INTS3: variants seen among roughly 807,000 people sequenced by gnomAD.
INTS3 encodes the protein SOSS complex subunit A.
In INTS3, 34 loss-of-function variants were observed where a neutral mutation model predicts 146.3. The ratio of observed to expected loss-of-function variants is 0.23; its 90% confidence interval spans 0.18 to 0.31. The LOEUF is 0.31. Among genes scored for constraint, INTS3 ranks in the 10% least tolerant of loss-of-function variants. INTS3 has a pLI of 1.00. For synonymous variants in INTS3, 475 were observed against 494.9 expected, an observed-to-expected ratio of 0.96 and a Z score of 0.53; for missense variants, 757 against 1,304.2, an observed-to-expected ratio of 0.58 and a Z score of 6.46.
At chr1:153,753,544 A>G (rs796650379) in intron 8 of INTS3, among the ~76,000 whole-genome samples, 9 of 151,348 alleles carry the variant, frequency 5.9e-5, no homozygotes, top group African/African-American at 2.2e-4. Context: ...CGACAGAGTG[A>G]GACTCTGTCC....
intron 17 of INTS3, 65 bp from the exon 18 acceptor site, chr1:153,764,053 G>C (rs945666967): frequency 7.2e-5 from 101 of 1,397,786 alleles, no homozygotes; most frequent in Non-Finnish European, 9.8e-5. Flanking sequence ...TCCAAGACTG[G>C]GATCGTGGGG....
chr1:153,761,046 G>C, intron 13 of INTS3, 128 bp downstream of exon 13: 1 of 1,491,150 alleles, frequency 6.7e-7, no homozygotes, highest in Admixed American at 2.3e-5. Context: ...CTCTACCTCA[G>C]ACTGCTGGGC....
At chr1:153,743,803 G>T (rs1671626349) in intron 3 of INTS3, among the ~76,000 whole-genome samples, 1 of 152,138 alleles carries the variant, frequency 6.6e-6, no homozygotes, top group Admixed American at 6.6e-5. Flanking sequence ...ATGGGAAAGG[G>T]TCTAATGTCA....
At position 153,751,122 on chromosome 1, in the gene INTS3, C is replaced by G. The variant is rs752621973; in HGVS notation, c.612C>G (p.Leu204=). The G allele has an allele frequency of 5.6e-6, 9 of 1,614,088 alleles. No homozygotes were observed. The Admixed American group carries it at 1.3e-4, about 24-fold the overall frequency. The change falls in exon 7 of 30, where the codon CTC becomes CTG. Residue 204 remains leucine, a synonymous_variant. Coordinates refer to ENST00000318967, the MANE Select transcript of INTS3 (RefSeq NM_023015.5). ...QREWVLKSSI[L]IAMAVYTYLR... ...AGTGGGTCCTGAAGAGCAGCATCCTCATTGCCATGGCTGTTTACACGTACC... is the reference window on the plus strand; with the variant it reads ...AGTGGGTCCTGAAGAGCAGCATCCTGATTGCCATGGCTGTTTACACGTACC...
intron 7 of INTS3, 158 bp from the exon 8 acceptor site, chr1:153,752,121 C>A: frequency 1.3e-6 from 1 of 773,760 alleles, no homozygotes; most frequent in Non-Finnish European, 2.2e-6. Context: ...CCCTGAACAG[C>A]TAGGAGCCAA....
intron 21 of INTS3, among the ~76,000 whole-genome samples, 155 bp from the exon 22 acceptor site, chr1:153,768,738 A>G (rs936906809): frequency 9.2e-5 from 14 of 152,148 alleles, no homozygotes; most frequent in African/African-American, 3.4e-4. Flanking sequence ...GTCTTCCAGC[A>G]TCATAGCTGT....
chr1:153,747,175 T>C (rs1671781980), intron 4 of INTS3, 104 bp from the exon 5 acceptor site: 7 of 1,253,422 alleles, frequency 5.6e-6, no homozygotes, highest in Non-Finnish European at 8.2e-6. Context: ...CCCCTATCAT[T>C]GTGTGTCTAA....
In INTS3 at chr1:153,770,790, G is replaced by A. The variant is rs1370283391; in HGVS notation, c.2552+57G>A. On this transcript the variant is annotated intron_variant, in intron 25 of 29. Transcript: ENST00000318967. ...CAATTTTAACATCCCAAGAGCTGCT[G>A]TGGTCTAAAGGGCTTCTGTCCTCCT... 4 of 1,367,216 alleles carry A rather than the reference G, an allele frequency of 2.9e-6. No individual in the cohort carries two copies. In the East Asian group the frequency reaches 6.9e-5, roughly 24 times the overall value. The allele number at this position is 1,367,216 out of a possible 1,614,324, so 84.7% of individuals were successfully genotyped here.
In INTS3 at chr1:153,728,305, C is replaced by T. The variant is rs969464824; in HGVS notation, c.-330C>T. ...AGGGGTTTCCCTCCTTTCTTAGGGT[C>T]AGACGCTCTTAGGGTCCACTTCTTC... is the stretch of plus-strand genomic sequence containing the variant. On this transcript the variant is annotated 5_prime_UTR_variant, in exon 1 of 30. Coordinates refer to ENST00000318967, the MANE Select transcript of INTS3 (RefSeq NM_023015.5). The T allele has an allele frequency of 2.0e-5, 8 of 393,334 alleles. No individual in the cohort carries two copies. Among genetic ancestry groups the T allele is most frequent in the Non-Finnish European group, 2.7e-5 (6 of 223,132 alleles). The allele number at this position is 393,334 out of a possible 1,614,324, so 24.4% of individuals were successfully genotyped here.
intron 1 of INTS3, among the ~76,000 whole-genome samples, chr1:153,739,095 AC>A (rs1671417134): frequency 6.7e-6 from 1 of 148,702 alleles, no homozygotes; most frequent in Non-Finnish European, 1.5e-5. Flanking sequence ...ACGGAGTCTC[AC>A]TCTGTCGCCC....
chr1:153,767,923 AT>A, intron 21 of INTS3, 96 bp downstream of exon 21: 1 of 1,298,222 alleles, frequency 7.7e-7, no homozygotes, highest in East Asian at 2.8e-5. Context: ...TCTTTTGTTC[AT>A]CCCCACTAAC....
At chr1:153,759,649 T>C (rs2101815306) in intron 11 of INTS3, 36 bp downstream of exon 11, 3 of 1,355,446 alleles carry the variant, frequency 2.2e-6, no homozygotes, top group Non-Finnish European at 2.1e-6. Context: ...CACTTCCCCA[T>C]CCCCCTAAGC....
At chr1:153,759,479 G>T in intron 10 of INTS3, 47 bp from the exon 11 acceptor site, 2 of 1,224,250 alleles carry the variant, frequency 1.6e-6, no homozygotes, top group Non-Finnish European at 2.4e-6. Flanking sequence ...AAATGGAGGG[G>T]GGTGATTGAT....
Position 153,772,226 on chromosome 1 carries a change from T to C in INTS3, c.2721-114T>C. On this transcript the variant is annotated intron_variant, in intron 26 of 29. Transcript: ENST00000318967. The surrounding 1 kb of genome is among the most constrained non-coding windows in gnomAD (Gnocchi z 4.6). ...AACCCCAGCCCTCCCAGGCTGCCTA[T>C]CCTGTTCCCCATGTAGGCTGCCTCT... 8.0e-7 allele frequency: 1 copy of C among 1,246,570 alleles called. No homozygotes were observed. Among genetic ancestry groups the C allele is most frequent in the Non-Finnish European group, 1.1e-6 (1 of 874,912 alleles). The allele number at this position is 1,246,570 out of a possible 1,614,324, so 77.2% of individuals were successfully genotyped here.
At position 153,746,945 on chromosome 1, in the gene INTS3, T is replaced by C. The variant is rs1283305206; in HGVS notation, c.319-12T>C. ...CAGCTTGCTGGCTGATCACAAACTT[T>C]ACTTCTCACAGTGTTACCGGGACTT... On this transcript the variant is annotated splice_polypyrimidine_tract_variant and intron_variant, in intron 3 of 29. Coordinates refer to ENST00000318967, the MANE Select transcript of INTS3 (RefSeq NM_023015.5). The C allele has an allele frequency of 1.9e-6, 3 of 1,588,786 alleles. No individual in the cohort carries two copies.
intron 9 of INTS3, among the ~76,000 whole-genome samples, chr1:153,756,536 CCAAGTGCGGTGGCT>C (rs1672168637): frequency 6.6e-6 from 1 of 151,424 alleles, no homozygotes; most frequent in Non-Finnish European, 1.5e-5. Flanking sequence ...ATAATTGGGG[CCAAGTGCGGTGGCT>C]CACGCCTGTA....
In INTS3 at chr1:153,770,204, G is replaced by A. The variant is rs1199960622; in HGVS notation, c.2396G>A (p.Ser799Asn). 6.3e-7 allele frequency: 1 copy of A among 1,597,480 alleles called. No individual in the cohort carries two copies. Reference sequence around the variant, plus strand: ...TTTCTTTTGTCTCTTCCAGTTCAGAGCCTAGACTGGGAGACCTTTGAGCAG... The same window carrying A: ...TTTCTTTTGTCTCTTCCAGTTCAGAACCTAGACTGGGAGACCTTTGAGCAG... Reference protein sequence around the residue: ...KDSVLNILIQSLDWETFEQYC... With the variant: ...KDSVLNILIQNLDWETFEQYC... Residue 799 changes from serine to asparagine, a missense_variant, in exon 24 of 30, where the codon AGC (serine) becomes AAC (asparagine). By Grantham distance (46) the Ser-to-Asn change is conservative. Around this residue, in one of 8 missense-constraint regions of INTS3, gnomAD observed 116 missense variants for 226.5 expected, o/e 0.51. Coordinates refer to ENST00000318967, the MANE Select transcript of INTS3 (RefSeq NM_023015.5).
rs1181672568 is a variant in INTS3 at position 153,771,450 on chromosome 1, C to CGGGGT, written c.2553-346_2553-345insGGGGT. Among the ~76,000 whole-genome samples the CGGGGT allele has an allele frequency of 5.0e-3, 765 of 152,048 alleles. 9 individuals are homozygous for CGGGGT. The highest frequency in any genetic ancestry group is 0.018 in the African/African-American group (730 of 41,438). On this transcript the variant is annotated intron_variant, in intron 25 of 29. Coordinates refer to ENST00000318967, the MANE Select transcript of INTS3 (RefSeq NM_023015.5). The stretch of plus-strand genomic sequence containing the variant: ...AAGCCAGGTTGGCCCACAGCTTTAG[C>CGGGGT]AGGGTAGGGGTAGGGGAGCATCTGC...
intron 3 of INTS3, among the ~76,000 whole-genome samples, chr1:153,742,480 G>C (rs200891564): frequency 4.0e-5 from 1 of 25,132 alleles, no homozygotes; most frequent in Non-Finnish European, 1.4e-4. Context: ...TTTAATCTCT[G>C]TGTGTGTGTG....
Sources: gnomAD v4.1 joint callset for allele counts (sites outside exome capture counted in the v4.1 genomes callset) on GRCh38, gnomAD v4.1.1 for gene constraint, gnomAD v4.1.1 regional missense constraint, Gnocchi (gnomAD v3.1) non-coding constraint, MANE v1.5 for transcripts, NCBI Gene and HGNC (gene_info 2026-07-23, HGNC 2026-07-21) for gene names.